CACNA1C: variants seen among roughly 807,000 people sequenced by gnomAD.
CACNA1C encodes the protein voltage-dependent L-type calcium channel subunit alpha-1C.
A neutral mutation model predicts 229.0 loss-of-function variants in CACNA1C; 30 were observed. The observed-to-expected ratio is 0.13, with a 90% CI of 0.10 to 0.18. The LOEUF is 0.18. Among genes scored for constraint, CACNA1C ranks in the 10% least tolerant of loss-of-function variants. The pLI is 1.00. For synonymous variants in CACNA1C, 1,114 were observed against 1,132.5 expected (o/e 0.98, Z 0.33); for missense variants, 1,658 against 2,845.0 (o/e 0.58, Z 9.49).
chr12:2,644,269 A>T (rs2094095140), intron 30 of CACNA1C, among the ~76,000 whole-genome samples: 4 of 152,132 alleles, frequency 2.6e-5, no homozygotes, highest in Admixed American at 2.6e-4. Flanking sequence ...CCTGGAGGAG[A>T]TCAGAGGTAA....
rs2097784892 is a variant in CACNA1C, at chr12:2,691,225, T to G, written c.*26T>G. 6.6e-7 allele frequency: 1 copy of G among 1,514,076 alleles called. No homozygotes were observed. Among genetic ancestry groups the G allele is most frequent in the Non-Finnish European group, 8.8e-7 (1 of 1,133,648 alleles). The allele number at this position is 1,514,076 out of a possible 1,614,324, so 93.8% of individuals were successfully genotyped here. ...TGGGCGCTGCCAGATGCGGGCTTTT[T>G]TTTATTTGTTTCAATGTTCCTAATG... is the stretch of plus-strand genomic sequence containing the variant. On this transcript the variant is annotated 3_prime_UTR_variant, in exon 47 of 47. Transcript: ENST00000399655.
At position 2,692,391 on chromosome 12, in the gene CACNA1C, G is replaced by A. The variant is rs2097798047; in HGVS notation, c.*1192G>A. ...TGTGTGCGACGCGTGTGTGTGTGGT[G>A]GGTTGTCTGTGTGCATATGTCCTGC... On this transcript the variant is annotated 3_prime_UTR_variant, in exon 47 of 47. Coordinates refer to ENST00000399655, the MANE Select transcript of CACNA1C (RefSeq NM_000719.7). The A allele has an allele frequency of 6.6e-6, 1 of 152,492 alleles. No homozygotes were observed. The highest frequency in any genetic ancestry group is 1.5e-5 in the Non-Finnish European group (1 of 68,062). 9.4% of individuals were successfully genotyped at this position (152,492 alleles called of 1,614,324 possible). A position where few individuals can be genotyped will look rare whatever the true frequency, so the allele number is the denominator to read the frequency against.
intron 3 of CACNA1C, among the ~76,000 whole-genome samples, chr12:2,442,756 G>A (rs1458888649): frequency 6.6e-6 from 1 of 152,196 alleles, no homozygotes; most frequent in Admixed American, 6.5e-5. Flanking sequence ...GAAGGCAAAG[G>A]GGGAGCAGGC....
At chr12:2,193,212 T>C (rs1034987602) in intron 3 of CACNA1C, among the ~76,000 whole-genome samples, 1 of 152,198 alleles carries the variant, frequency 6.6e-6, no homozygotes, top group Non-Finnish European at 1.5e-5. Flanking sequence ...TCCAGCACTT[T>C]GGGAGGCTGA....
intron 3 of CACNA1C, among the ~76,000 whole-genome samples, chr12:2,439,957 G>T (rs1410628477): frequency 1.3e-5 from 2 of 152,008 alleles, no homozygotes; most frequent in African/African-American, 4.8e-5. Context: ...AAGACCCCCG[G>T]CAGGACCTGC....
At chr12:2,396,382 C>T (rs959997603) in intron 3 of CACNA1C, among the ~76,000 whole-genome samples, 1 of 152,082 alleles carries the variant, frequency 6.6e-6, no homozygotes, top group Non-Finnish European at 1.5e-5. Context: ...GTCAAGGGGA[C>T]GAAGAGGCCT....
intron 3 of CACNA1C, among the ~76,000 whole-genome samples, chr12:2,164,580 C>T (rs191464156): frequency 2.0e-5 from 3 of 152,328 alleles, no homozygotes; most frequent in South Asian, 2.1e-4. Flanking sequence ...GCTTATCACC[C>T]GCACCTCTGA....
intron 3 of CACNA1C, among the ~76,000 whole-genome samples, chr12:2,178,508 G>C (rs567027654): frequency 6.6e-6 from 1 of 152,192 alleles, no homozygotes; most frequent in South Asian, 2.1e-4. Flanking sequence ...TTGTCTTGTG[G>C]TATCAATGCT....
At position 2,416,051 on chromosome 12, in the gene CACNA1C, C is replaced by T. The variant is rs182436099; in HGVS notation, c.478-32925C>T. 4.6e-5 allele frequency among the ~76,000 whole-genome samples: 7 copies of T among 152,262 alleles called. No homozygotes were observed. In the East Asian group the frequency reaches 5.8e-4, roughly 13 times the overall value. On this transcript the variant is annotated intron_variant, in intron 3 of 46. Coordinates refer to ENST00000399655, the MANE Select transcript of CACNA1C (RefSeq NM_000719.7). Reference sequence around the variant, plus strand: ...AGGGTGTGGGGGCGGGACCTCTTCACGTGTATCCTCAAGCTGGTCCCTTCT... The same window carrying T: ...AGGGTGTGGGGGCGGGACCTCTTCATGTGTATCCTCAAGCTGGTCCCTTCT...
chr12:2,401,792 C>T (rs2154551204), intron 3 of CACNA1C, among the ~76,000 whole-genome samples: 1 of 152,366 alleles, frequency 6.6e-6, no homozygotes. Flanking sequence ...AGCTAGTAAG[C>T]ACTGAATGTT....
chr12:2,564,093 G>A (rs1021691616), intron 11 of CACNA1C, among the ~76,000 whole-genome samples: 12 of 152,176 alleles, frequency 7.9e-5, no homozygotes, highest in African/African-American at 2.7e-4. Context: ...GCTTCCTTGC[G>A]CTGAAGTGGA....
chr12:2,124,135 TG>T (rs1363109847), intron 3 of CACNA1C, among the ~76,000 whole-genome samples: 1 of 150,376 alleles, frequency 6.6e-6, no homozygotes, highest in Non-Finnish European at 1.5e-5. Flanking sequence ...TGTGTGTGTG[TG>T]TGTGTGTGTG....
At chr12:2,627,438 C>T (rs190319237) in intron 29 of CACNA1C, among the ~76,000 whole-genome samples, 112 of 152,244 alleles carry the variant, frequency 7.4e-4, no homozygotes, top group Non-Finnish European at 1.0e-3. Context: ...TCACCACCAC[C>T]GCCGCCAGCT....
intron 3 of CACNA1C, among the ~76,000 whole-genome samples, chr12:2,293,956 C>A (rs1450374356): frequency 6.6e-6 from 1 of 152,096 alleles, no homozygotes; most frequent in East Asian, 1.9e-4. Flanking sequence ...ACTCTAATAG[C>A]AAGTCTTCTT....
rs949712349 is a variant in CACNA1C, at chr12:2,653,550, C to A, written c.4075-285C>A. Among the ~76,000 whole-genome samples, 1 of 152,026 alleles carries A rather than the reference C, an allele frequency of 6.6e-6. No homozygotes were observed. Among genetic ancestry groups the A allele is most frequent in the Non-Finnish European group, 1.5e-5 (1 of 67,994 alleles). On this transcript the variant is annotated intron_variant, in intron 32 of 46. Coordinates refer to ENST00000399655, the MANE Select transcript of CACNA1C (RefSeq NM_000719.7). The surrounding 1 kb of genome is among the most constrained non-coding windows in gnomAD (Gnocchi z 4.7). ...TACAGACACACCGCACATGTGTAGTCGGAGGAGGTTTTGCTCGTTCTTGAT... is the reference window on the plus strand; with the variant it reads ...TACAGACACACCGCACATGTGTAGTAGGAGGAGGTTTTGCTCGTTCTTGAT...
At chr12:2,281,146 G>A (rs2091131132) in intron 3 of CACNA1C, among the ~76,000 whole-genome samples, 1 of 121,204 alleles carries the variant, frequency 8.3e-6, no homozygotes, top group African/African-American at 3.3e-5. Flanking sequence ...AATCATCGCA[G>A]TTTGTCTTCA....
At chr12:2,350,923 C>G (rs1206613158) in intron 3 of CACNA1C, among the ~76,000 whole-genome samples, 3 of 152,172 alleles carry the variant, frequency 2.0e-5, no homozygotes, top group Non-Finnish European at 4.4e-5. Context: ...GATGGAGAAG[C>G]CCTTGGATGT....
intron 3 of CACNA1C, among the ~76,000 whole-genome samples, chr12:2,323,199 A>C (rs558490166): frequency 6.6e-6 from 1 of 151,992 alleles, no homozygotes; most frequent in Non-Finnish European, 1.5e-5. Context: ...TGCTTCCTCT[A>C]TCTCAATCTG....
chr12:2,052,355 A>G (rs1041613365), upstream of CACNA1C, among the ~76,000 whole-genome samples: 9 of 151,804 alleles, frequency 5.9e-5, no homozygotes, highest in African/African-American at 1.9e-4. Context: ...AACCGCTCTG[A>G]TTATAATTGA....
Sources: allele counts gnomAD v4.1 joint callset (sites outside exome capture counted in the v4.1 genomes callset), GRCh38; gene constraint gnomAD v4.1.1; non-coding constraint Gnocchi (gnomAD v3.1); transcripts MANE v1.5; gene names NCBI Gene and HGNC (gene_info 2026-07-23, HGNC 2026-07-21).